POC1B: variants seen among roughly 807,000 people sequenced by gnomAD.
The protein encoded by POC1B is POC1 centriolar protein homolog B.
POC1B carries 44 observed loss-of-function variants against 60.6 expected under a neutral mutation model. The ratio of observed to expected loss-of-function variants is 0.73; its 90% CI spans 0.57 to 0.93. The LOEUF (loss-of-function observed/expected upper bound fraction) is 0.93. POC1B is among the 40% of genes least tolerant of loss of function. The pLI is 0.00. For missense variants in POC1B, 555 were observed against 572.3 expected, an observed-to-expected ratio of 0.97 and a Z score of 0.31; for synonymous variants, 180 against 198.9, an observed-to-expected ratio of 0.90 and a Z score of 0.80.
intron 10 of POC1B, among the ~76,000 whole-genome samples, chr12:89,456,488 C>T (rs1459302284): frequency 6.6e-6 from 1 of 152,026 alleles, no homozygotes; most frequent in Admixed American, 6.6e-5. Context: ...CTAACTACAA[C>T]ATGAAAACAT....
chr12:89,471,626 G>A lies in POC1B; in HGVS notation c.664C>T (p.Gln222Ter), dbSNP rs549861827. Residue 222 changes from glutamine to a stop codon, truncating the protein, a stop_gained, in exon 6 of 12, where the codon CAG (glutamine) becomes TAG (stop). Transcript: ENST00000313546. LOFTEE classifies it high-confidence loss of function. ...VWDVRVNKLLQHYQVHSGGVN... is the reference protein window; with the variant it reads ...VWDVRVNKLL ...GGAAAATTGTTACCTTGGTAATGCT[G>A]TAGTAATTTGTTCACTCTTACATCC... is the stretch of plus-strand genomic sequence containing the variant. 1.9e-6 allele frequency: 3 copies of A among 1,608,504 alleles called. No homozygotes were observed. The highest frequency in any genetic ancestry group is 2.2e-5 in the East Asian group (1 of 44,762).
intron 7 of POC1B, among the ~76,000 whole-genome samples, chr12:89,469,303 A>G (rs1026194750): frequency 3.3e-5 from 5 of 152,182 alleles, no homozygotes; most frequent in African/African-American, 1.2e-4. Context: ...TCTATATGCC[A>G]GGGAGGGATC....
At chr12:89,523,819 A>G (rs1202719179) in intron 2 of POC1B, 2 of 1,541,272 alleles carry the variant, frequency 1.3e-6, no homozygotes, top group South Asian at 2.6e-5. Context: ...ATCTCTCCCA[A>G]TCCTTTCCAA....
chr12:89,444,398 T>G (rs1052963772), intron 10 of POC1B, among the ~76,000 whole-genome samples: 2 of 152,160 alleles, frequency 1.3e-5, no homozygotes, highest in African/African-American at 4.8e-5. Flanking sequence ...ATCAAAAAGC[T>G]TATCCACCAC....
intron 10 of POC1B, among the ~76,000 whole-genome samples, chr12:89,438,406 G>T (rs1449557475): frequency 6.6e-6 from 1 of 152,248 alleles, no homozygotes; most frequent in East Asian, 1.9e-4. Context: ...GCAGTGAGCC[G>T]TGATAGCGCC....
At chr12:89,476,100 T>C (rs1189869125) in intron 4 of POC1B, among the ~76,000 whole-genome samples, 1 of 151,674 alleles carries the variant, frequency 6.6e-6, no homozygotes, top group Non-Finnish European at 1.5e-5. Context: ...AGAGACAGGG[T>C]TTCGCCATGT....
intron 10 of POC1B, among the ~76,000 whole-genome samples, chr12:89,440,481 G>A (rs1415648794): frequency 6.6e-6 from 1 of 152,204 alleles, no homozygotes; most frequent in Non-Finnish European, 1.5e-5. Context: ...AAGGATGAAG[G>A]TAGGAAGAAA....
intron 2 of POC1B, 63 bp downstream of exon 2, chr12:89,525,057 G>A (rs543201686): frequency 2.5e-6 from 4 of 1,606,948 alleles, no homozygotes; most frequent in African/African-American, 1.3e-5. Context: ...CCGGACAGGA[G>A]GAAAGGTTTC....
intron 4 of POC1B, among the ~76,000 whole-genome samples, chr12:89,486,773 C>T (rs1565745534): frequency 6.6e-6 from 1 of 152,092 alleles, no homozygotes; most frequent in African/African-American, 2.4e-5. Flanking sequence ...AATGTCTTGA[C>T]CGGGTAAGAA....
At chr12:89,441,463 T>A (rs1881519091) in intron 10 of POC1B, among the ~76,000 whole-genome samples, 1 of 152,160 alleles carries the variant, frequency 6.6e-6, no homozygotes, top group Non-Finnish European at 1.5e-5. Flanking sequence ...CTGCAATATT[T>A]GCTGTTCTGA....
At chr12:89,521,686 C>CCATTCATTCATTCATTCAGT (rs1312690002) in intron 2 of POC1B, 1 of 248,438 alleles carries the variant, frequency 4.0e-6, no homozygotes, top group East Asian at 7.3e-5. Context: ...CTCAGCTGAG[C>CCATTCATTCATTCATTCAGT]CATTCATTCA....
chr12:89,525,487 C>T (rs1437320440), intron 1 of POC1B: 29 of 1,322,782 alleles, frequency 2.2e-5, no homozygotes, highest in Non-Finnish European at 2.7e-5. Flanking sequence ...TTGAAATGCA[C>T]GTTCCCGGGC....
intron 2 of POC1B, chr12:89,522,851 C>A: frequency 6.3e-7 from 1 of 1,599,424 alleles, no homozygotes; most frequent in Non-Finnish European, 8.5e-7. Context: ...TTATCTAGAG[C>A]ATCACAAGTT....
intron 10 of POC1B, among the ~76,000 whole-genome samples, chr12:89,454,221 A>G (rs1340909386): frequency 6.6e-6 from 1 of 152,198 alleles, no homozygotes. Context: ...ACTCAAGGCT[A>G]CATCTTACTG....
chr12:89,463,289 ATAT>A (rs1273120593), intron 9 of POC1B, among the ~76,000 whole-genome samples: 2 of 152,202 alleles, frequency 1.3e-5, no homozygotes, highest in Non-Finnish European at 2.9e-5. Context: ...CCTGCTTACA[ATAT>A]TCTGCAATTC....
At chr12:89,437,861 A>C (rs111533112) in intron 10 of POC1B, among the ~76,000 whole-genome samples, 3,791 of 151,318 alleles carry the variant, frequency 0.025, 73 homozygotes, top group Non-Finnish European at 0.036. Context: ...CAGCCTGGCC[A>C]ACATGGTGAA....
At chr12:89,430,219 A>T (rs1468767905) in intron 10 of POC1B, among the ~76,000 whole-genome samples, 1 of 152,190 alleles carries the variant, frequency 6.6e-6, no homozygotes, top group East Asian at 1.9e-4. Context: ...AAAGATACAG[A>T]TCTGACTGAT....
chr12:89,500,464 T>A, intron 2 of POC1B: 2 of 1,571,152 alleles, frequency 1.3e-6, no homozygotes, highest in Non-Finnish European at 1.8e-6. Flanking sequence ...TGGCAACTGA[T>A]GTTAGTTCCA....
At chr12:89,440,925 G>A (rs994828760) in intron 10 of POC1B, among the ~76,000 whole-genome samples, 18 of 152,324 alleles carry the variant, frequency 1.2e-4, no homozygotes, top group East Asian at 3.9e-4. Context: ...CTAATACTGC[G>A]CTTTTCCAAT....
Sources: gnomAD v4.1 joint callset for allele counts (sites outside exome capture counted in the v4.1 genomes callset) on GRCh38, gnomAD v4.1.1 for gene constraint, MANE v1.5 for transcripts, NCBI Gene and HGNC (gene_info 2026-07-23, HGNC 2026-07-21) for gene names.